VAV3: variants seen among roughly 807,000 people sequenced by gnomAD.
The protein encoded by VAV3 is vav guanine nucleotide exchange factor 3.
A neutral mutation model predicts 131.2 loss-of-function variants in VAV3; 94 were observed. The observed-to-expected ratio is 0.72, with a 90% CI of 0.61 to 0.85. The LOEUF (loss-of-function observed/expected upper bound fraction) is 0.85, where lower values mean the gene tolerates loss of function less well. Among genes scored for constraint, VAV3 ranks in the 40% least tolerant of loss-of-function variants. The pLI is 0.00. For synonymous variants in VAV3, 349 were observed against 342.0 expected (o/e 1.02, Z -0.22); for missense variants, 939 against 1,002.7 (o/e 0.94, Z 0.86).
intron 1 of VAV3, among the ~76,000 whole-genome samples, chr1:107,891,711 T>G (rs1671317202): frequency 6.6e-6 from 1 of 151,904 alleles, no homozygotes; most frequent in Non-Finnish European, 1.5e-5. Flanking sequence ...TGGTGGTGTA[T>G]GCCTGTAATC....
At chr1:107,950,026 C>T (rs1320791112) in intron 1 of VAV3, among the ~76,000 whole-genome samples, 1 of 152,070 alleles carries the variant, frequency 6.6e-6, no homozygotes, top group Non-Finnish European at 1.5e-5. Flanking sequence ...CAAGAGGGGA[C>T]AAACAGCCTG....
At chr1:107,921,339 A>G (rs1262801756) in intron 1 of VAV3, among the ~76,000 whole-genome samples, 1 of 152,244 alleles carries the variant, frequency 6.6e-6, no homozygotes, top group Non-Finnish European at 1.5e-5. Context: ...AACACACTGC[A>G]TAATACTTCA....
intron 19 of VAV3, among the ~76,000 whole-genome samples, chr1:107,657,694 A>C (rs1283667236): frequency 6.6e-6 from 1 of 152,212 alleles, no homozygotes; most frequent in African/African-American, 2.4e-5. Context: ...ACAGGATTCC[A>C]TGCAAAGATT....
chr1:107,598,071 G>A (rs1190489007), intron 24 of VAV3, among the ~76,000 whole-genome samples: 1 of 152,076 alleles, frequency 6.6e-6, no homozygotes, highest in East Asian at 1.9e-4. Context: ...ACAAAAACAA[G>A]AGCCAGGCAT....
At chr1:107,926,001 G>A (rs1673142131) in intron 1 of VAV3, among the ~76,000 whole-genome samples, 1 of 151,796 alleles carries the variant, frequency 6.6e-6, no homozygotes, top group South Asian at 2.1e-4. Context: ...ATCAACAAGG[G>A]GCCAGGTGCG....
intron 2 of VAV3, among the ~76,000 whole-genome samples, chr1:107,821,530 G>A (rs1014902147): frequency 2.0e-5 from 3 of 152,172 alleles, no homozygotes; most frequent in African/African-American, 7.2e-5. Flanking sequence ...GAACAATCCA[G>A]GAAGAGCACC....
intron 2 of VAV3, among the ~76,000 whole-genome samples, chr1:107,872,660 G>A (rs1670305252): frequency 6.6e-6 from 1 of 152,132 alleles, no homozygotes; most frequent in African/African-American, 2.4e-5. Flanking sequence ...TGGGATTGAT[G>A]CGCTGATTCC....
chr1:107,884,936 GTGGTGGTTTAGC>G (rs1670963162), intron 1 of VAV3, among the ~76,000 whole-genome samples: 1 of 152,154 alleles, frequency 6.6e-6, no homozygotes, highest in African/African-American at 2.4e-5. Flanking sequence ...AATGGAAATA[GTGGTGGTTTAGC>G]AATAGTAATG....
At chr1:107,785,646 T>C in intron 2 of VAV3, 1 of 1,122,210 alleles carries the variant, frequency 8.9e-7, no homozygotes, top group South Asian at 2.0e-5. Flanking sequence ...AAGTGCCCTG[T>C]GGGGTTGTGG....
At chr1:107,653,212 C>A (rs1299737049) in intron 19 of VAV3, among the ~76,000 whole-genome samples, 1 of 151,784 alleles carries the variant, frequency 6.6e-6, no homozygotes, top group Non-Finnish European at 1.5e-5. Context: ...GCAAATGACT[C>A]TGCACCATCA....
chr1:107,755,955 A>G (rs1664078594), intron 11 of VAV3, among the ~76,000 whole-genome samples: 2 of 152,158 alleles, frequency 1.3e-5, no homozygotes, highest in Admixed American at 6.5e-5. Flanking sequence ...ATCTAGCAAG[A>G]CTGTTTTATT....
chr1:107,962,518 T>C (rs1675145748), intron 1 of VAV3, among the ~76,000 whole-genome samples: 1 of 152,244 alleles, frequency 6.6e-6, no homozygotes. Flanking sequence ...TACGTCAAGT[T>C]GTTTCATAAA....
Position 107,727,962 on chromosome 1 carries a change from A to G in VAV3, c.1502+21006T>C, listed in dbSNP as rs199647623. On this transcript the variant is annotated intron_variant, in intron 15 of 26. Transcript: ENST00000370056. Reference sequence around the variant, plus strand: ...AATTAAACAAGCAAGAAATTTAATTAAATTTCTAACTCACTTTGGATTTCA... The same window carrying G: ...AATTAAACAAGCAAGAAATTTAATTGAATTTCTAACTCACTTTGGATTTCA... Among the ~76,000 whole-genome samples, 17 of 152,348 alleles carry G rather than the reference A, an allele frequency of 1.1e-4. No individual in the cohort carries two copies. In the East Asian group the frequency reaches 2.1e-3, roughly 19 times the overall value.
intron 21 of VAV3, among the ~76,000 whole-genome samples, chr1:107,614,815 GT>G (rs1653019976): frequency 6.6e-6 from 1 of 152,006 alleles, no homozygotes; most frequent in Admixed American, 6.6e-5. Flanking sequence ...AAAACTTCAA[GT>G]GCTCATCTTT....
chr1:107,710,875 T>C (rs976968787), intron 15 of VAV3, among the ~76,000 whole-genome samples: 2 of 152,170 alleles, frequency 1.3e-5, no homozygotes, highest in Non-Finnish European at 2.9e-5. Flanking sequence ...TTAAAATGCA[T>C]TGTGTGCTTC....
intron 1 of VAV3, among the ~76,000 whole-genome samples, chr1:107,951,845 AAAAG>A (rs1674550467): frequency 6.6e-6 from 1 of 152,162 alleles, no homozygotes; most frequent in Non-Finnish European, 1.5e-5. Context: ...ATTATGGAGA[AAAAG>A]AAACACTTAT....
rs1655035072 is a variant in VAV3, at chr1:107,637,670, A to G, written c.1914+4949T>C. Reference sequence around the variant, plus strand: ...AAACAACAAAACAAAACCTTCCACTAAGGAAACTCTAGGCCTAGATAGCTT... The same window carrying G: ...AAACAACAAAACAAAACCTTCCACTGAGGAAACTCTAGGCCTAGATAGCTT... On this transcript the variant is annotated intron_variant, in intron 20 of 26. Coordinates refer to ENST00000370056, the MANE Select transcript of VAV3 (RefSeq NM_006113.5). 2.0e-5 allele frequency among the ~76,000 whole-genome samples: 3 copies of G among 152,158 alleles called. No individual in the cohort carries two copies. The South Asian group carries it at 6.2e-4, about 32-fold the overall frequency.
intron 1 of VAV3, among the ~76,000 whole-genome samples, chr1:107,889,028 C>T (rs1671180716): frequency 6.6e-6 from 1 of 151,854 alleles, no homozygotes; most frequent in African/African-American, 2.4e-5. Flanking sequence ...ACTCCTGGGC[C>T]CATTCTTAAT....
intron 1 of VAV3, among the ~76,000 whole-genome samples, chr1:107,901,901 C>T (rs1029092444): frequency 4.0e-5 from 6 of 151,650 alleles, no homozygotes; most frequent in Non-Finnish European, 8.8e-5. Flanking sequence ...AAATTAGCCA[C>T]GCATGGTGGC....
Sources: gnomAD v4.1 joint callset for allele counts (sites outside exome capture counted in the v4.1 genomes callset) on GRCh38, gnomAD v4.1.1 for gene constraint, MANE v1.5 for transcripts, NCBI Gene and HGNC (gene_info 2026-07-23, HGNC 2026-07-21) for gene names.